Variants in RYR2 observed in about 807,000 individuals in gnomAD.
The protein encoded by RYR2 is cardiac muscle ryanodine receptor-calcium release channel.
A neutral mutation model predicts 601.1 loss-of-function variants in RYR2; 227 were observed. That is an observed-to-expected ratio of 0.38 (90% CI 0.34 to 0.42). The LOEUF is 0.42. Among genes scored for constraint, RYR2 ranks in the 10% least tolerant of loss-of-function variants. The probability of loss-of-function intolerance (pLI) is 1.00; values close to 1 mark genes in which losing one functional copy is unlikely to be tolerated. For synonymous variants in RYR2, 2,223 were observed against 2,175.1 expected (o/e 1.02, Z -0.61); for missense variants, 4,646 against 6,156.5 (o/e 0.75, Z 8.21).
At chr1:237,782,178 CTTTTTTTT>C (rs35521596) in intron 89 of RYR2, among the ~76,000 whole-genome samples, 28 of 119,148 alleles carry the variant, frequency 2.4e-4, no homozygotes, top group Non-Finnish European at 8.5e-5. Context: ...TTTGTTATTG[CTTTTTTTT>C]TTTTTTTTTT....
intron 26 of RYR2, among the ~76,000 whole-genome samples, chr1:237,549,628 C>CTTTTTTTTTTTTTTTTTTT (rs57579159): frequency 1.3e-5 from 1 of 77,710 alleles, no homozygotes; most frequent in Non-Finnish European, 2.3e-5. Flanking sequence ...CCATAGCTTT[C>CTTTTTTTTTTTTTTTTTTT]TTTTTTTTTT....
chr1:237,694,562 A>AT (rs1023439573), intron 63 of RYR2, among the ~76,000 whole-genome samples: 3 of 152,040 alleles, frequency 2.0e-5, no homozygotes, highest in Admixed American at 1.3e-4. Flanking sequence ...AAAAAATCCT[A>AT]TTTTTTTAGA....
intron 2 of RYR2, among the ~76,000 whole-genome samples, chr1:237,327,105 A>G (rs1696243287): frequency 6.6e-6 from 1 of 152,226 alleles, no homozygotes; most frequent in Non-Finnish European, 1.5e-5. Flanking sequence ...AAAACAGACA[A>G]CACTACAAAT....
chr1:237,209,030 A>T (rs61367554), intron 1 of RYR2, among the ~76,000 whole-genome samples: 32,956 of 133,958 alleles, frequency 0.25, 4,917 homozygotes, highest in East Asian at 0.42. Context: ...AAAATTTTTT[A>T]AAAAGTTTAA....
At position 237,093,328 on chromosome 1, in the gene RYR2, A is replaced by AG. The variant is rs375169534; in HGVS notation, c.48+50761dup. 1.1e-3 allele frequency among the ~76,000 whole-genome samples: 174 copies of AG among 152,254 alleles called. 1 individual carries two copies. The highest frequency in any genetic ancestry group is 3.8e-3 in the African/African-American group (159 of 41,548). ...GCCCATAGTGATGGTGGGCTAGGGG[A>AG]GGAGCTGAGAAGAAACTGAGACTTT... is the stretch of plus-strand genomic sequence containing the variant. On this transcript the variant is annotated intron_variant, in intron 1 of 104. Transcript: ENST00000366574.
intron 2 of RYR2, 133 bp from the exon 3 acceptor site, chr1:237,330,745 A>G (rs1696629310): frequency 1.4e-6 from 1 of 714,684 alleles, no homozygotes; most frequent in South Asian, 1.5e-5. Flanking sequence ...GTGTTTCTTG[A>G]TGACTGGGGA....
intron 29 of RYR2, among the ~76,000 whole-genome samples, chr1:237,584,639 C>T: frequency 7.0e-6 from 1 of 142,460 alleles, no homozygotes; most frequent in Non-Finnish European, 1.5e-5. Context: ...CCAAATCCAG[C>T]TCACCACCTG....
chr1:237,103,175 T>C (rs1668312100), intron 1 of RYR2, among the ~76,000 whole-genome samples: 1 of 152,202 alleles, frequency 6.6e-6, no homozygotes, highest in African/African-American at 2.4e-5. Flanking sequence ...GATAGATGTG[T>C]CCATTGGAAA....
chr1:237,160,552 T>G (rs1242305270), intron 1 of RYR2, among the ~76,000 whole-genome samples: 2 of 152,074 alleles, frequency 1.3e-5, no homozygotes, highest in African/African-American at 4.8e-5. Flanking sequence ...TGGTGGTGGT[T>G]GTTTTGTTTT....
At chr1:237,271,495 A>G (rs550689747) in intron 2 of RYR2, among the ~76,000 whole-genome samples, 4 of 152,286 alleles carry the variant, frequency 2.6e-5, no homozygotes, top group South Asian at 2.1e-4. Flanking sequence ...CTGTGTCTCT[A>G]TATTTCAGAA....
intron 2 of RYR2, among the ~76,000 whole-genome samples, chr1:237,285,643 C>G (rs1308713234): frequency 6.6e-6 from 1 of 152,132 alleles, no homozygotes. Flanking sequence ...GGCAGTGAAT[C>G]TGTCTGGTCC....
intron 25 of RYR2, among the ~76,000 whole-genome samples, chr1:237,535,782 T>C (rs1490524612): frequency 2.0e-5 from 3 of 152,192 alleles, no homozygotes; most frequent in African/African-American, 7.2e-5. Flanking sequence ...AAAGATAGGT[T>C]AACATTAGAA....
At chr1:237,489,938 T>C (rs372880461) in intron 17 of RYR2, among the ~76,000 whole-genome samples, 2 of 152,196 alleles carry the variant, frequency 1.3e-5, no homozygotes, top group East Asian at 1.9e-4. Flanking sequence ...CTATGCGTCA[T>C]GAAATACTAC....
chr1:237,300,214 C>T (rs1466829897), intron 2 of RYR2, among the ~76,000 whole-genome samples: 1 of 152,102 alleles, frequency 6.6e-6, no homozygotes, highest in African/African-American at 2.4e-5. Flanking sequence ...AGATGATACA[C>T]GGACCACCAG....
intron 1 of RYR2, among the ~76,000 whole-genome samples, chr1:237,082,841 C>G (rs1665887497): frequency 6.6e-6 from 1 of 152,060 alleles, no homozygotes; most frequent in Non-Finnish European, 1.5e-5. Context: ...GATGTTAATT[C>G]TTTGATCTCC....
At chr1:237,440,083 C>T (rs1314635196) in intron 12 of RYR2, among the ~76,000 whole-genome samples, 1 of 151,966 alleles carries the variant, frequency 6.6e-6, no homozygotes, top group Non-Finnish European at 1.5e-5. Context: ...TCTTAGTTGA[C>T]CTTGACATTT....
chr1:237,641,463 G>C (rs1681467644), intron 47 of RYR2, among the ~76,000 whole-genome samples: 1 of 55,176 alleles, frequency 1.8e-5, no homozygotes, highest in African/African-American at 4.7e-5. Context: ...ATAAATTAGT[G>C]TCTGTCTGTC....
intron 47 of RYR2, among the ~76,000 whole-genome samples, chr1:237,642,691 C>T (rs866579424): frequency 2.6e-5 from 4 of 152,080 alleles, no homozygotes; most frequent in South Asian, 2.1e-4. Flanking sequence ...ATGCCCATCC[C>T]GGCTCTTCAG....
chr1:237,496,064 A>G (rs1191600280), intron 19 of RYR2, among the ~76,000 whole-genome samples: 1 of 152,176 alleles, frequency 6.6e-6, no homozygotes, highest in Admixed American at 6.6e-5. Flanking sequence ...TTAAGGAAAT[A>G]TATATTTAAT....
Sources: gnomAD v4.1 joint callset for allele counts (sites outside exome capture counted in the v4.1 genomes callset) on GRCh38, gnomAD v4.1.1 for gene constraint, MANE v1.5 for transcripts, NCBI Gene and HGNC (gene_info 2026-07-23, HGNC 2026-07-21) for gene names.